The following ERC1 variants were observed in gnomAD, a reference collection of about 807,000 sequenced individuals.
ERC1 encodes ELKS/RAB6-interacting/CAST family member 1.
Under a neutral mutation model 132.0 loss-of-function variants are expected in ERC1, and 56 were observed. The observed-to-expected ratio is 0.42, with a 90% CI of 0.34 to 0.53. The LOEUF (loss-of-function observed/expected upper bound fraction) is 0.53. Among genes scored for constraint, ERC1 ranks in the 20% least tolerant of loss-of-function variants. ERC1 has a pLI of 0.03. For missense variants in ERC1, 1,202 were observed against 1,349.9 expected (o/e 0.89, Z 1.72); for synonymous variants, 478 against 476.1 (o/e 1.00, Z -0.05).
At chr12:1,275,759 TAAAGA>T (rs1289315370) in intron 14 of ERC1, among the ~76,000 whole-genome samples, 1 of 152,146 alleles carries the variant, frequency 6.6e-6, no homozygotes, top group Non-Finnish European at 1.5e-5. Flanking sequence ...GGGTAATTTA[TAAAGA>T]AAAGGAGTTT....
intron 14 of ERC1, among the ~76,000 whole-genome samples, chr12:1,275,945 C>G (rs1257054700): frequency 6.6e-6 from 1 of 152,178 alleles, no homozygotes. Flanking sequence ...GTCTGCCAGT[C>G]ACTCTGGTAC....
At chr12:1,247,938 G>T (rs1032054552) in intron 13 of ERC1, among the ~76,000 whole-genome samples, 1 of 152,190 alleles carries the variant, frequency 6.6e-6, no homozygotes, top group Non-Finnish European at 1.5e-5. Flanking sequence ...GGAGGTTGCG[G>T]TGAGCCGAGA....
chr12:1,192,061 A>G (rs1210842477), intron 12 of ERC1, among the ~76,000 whole-genome samples: 1 of 152,198 alleles, frequency 6.6e-6, no homozygotes, highest in Non-Finnish European at 1.5e-5. Context: ...GAGCTAGTAG[A>G]ATGTGGTTTG....
intron 16 of ERC1, among the ~76,000 whole-genome samples, chr12:1,394,782 G>A (rs141261653): frequency 6.6e-6 from 1 of 152,198 alleles, no homozygotes; most frequent in Non-Finnish European, 1.5e-5. Context: ...AAGCCTGAGG[G>A]ACTGAGTCAA....
At chr12:1,184,896 A>C (rs1004559645) in intron 11 of ERC1, among the ~76,000 whole-genome samples, 6 of 151,866 alleles carry the variant, frequency 4.0e-5, no homozygotes, top group African/African-American at 1.5e-4. Context: ...GGGACTACAG[A>C]CCCATGCCAC....
At chr12:1,008,528 C>T (rs376658709) in intron 1 of ERC1, among the ~76,000 whole-genome samples, 3 of 152,126 alleles carry the variant, frequency 2.0e-5, no homozygotes, top group East Asian at 3.9e-4. Flanking sequence ...CCATCCGCTT[C>T]AGCCTCCCAA....
intron 15 of ERC1, among the ~76,000 whole-genome samples, chr12:1,327,871 T>C (rs1364310769): frequency 6.6e-6 from 1 of 152,000 alleles, no homozygotes; most frequent in Non-Finnish European, 1.5e-5. Context: ...TGCTCCTCAG[T>C]ATCTTCATCA....
intron 17 of ERC1, among the ~76,000 whole-genome samples, chr12:1,430,019 C>T (rs1054757354): frequency 8.5e-5 from 13 of 152,312 alleles, no homozygotes; most frequent in African/African-American, 2.9e-4. Context: ...TGGGGTCTCT[C>T]ATGGGACCGC....
chr12:1,325,189 C>T (rs997118629), intron 15 of ERC1, among the ~76,000 whole-genome samples: 1 of 152,118 alleles, frequency 6.6e-6, no homozygotes, highest in African/African-American at 2.4e-5. Flanking sequence ...TTTAAAAATT[C>T]TATTATTCCC....
chr12:1,438,954 A>AAAAAATATATATATATATAT (rs1015181197), intron 17 of ERC1, among the ~76,000 whole-genome samples: 1 of 143,492 alleles, frequency 7.0e-6, no homozygotes, highest in African/African-American at 2.6e-5. Context: ...TTTAAAAAAA[A>AAAAAATATATATATATATAT]ATATATATAT....
Position 1,028,106 on chromosome 12 carries a change from C to T in ERC1, c.203C>T (p.Thr68Ile). 2 of 1,614,180 alleles carry T rather than the reference C, an allele frequency of 1.2e-6. No individual in the cohort carries two copies. Among genetic ancestry groups the T allele is most frequent in the Non-Finnish European group, 1.7e-6 (2 of 1,180,028 alleles). ...CAATCTTTAAATGCTGCCTATGCCACCTCTGGCCCTATGTATCTAAGTGAC... is the reference window on the plus strand; with the variant it reads ...CAATCTTTAAATGCTGCCTATGCCATCTCTGGCCCTATGTATCTAAGTGAC... ...NIQSLNAAYA[T>I]SGPMYLSDHE... Residue 68 changes from threonine to isoleucine, a missense_variant, in exon 2 of 19, where the codon ACC becomes ATC. Coordinates refer to ENST00000360905, the MANE Select transcript of ERC1 (RefSeq NM_178040.4).
intron 18 of ERC1, among the ~76,000 whole-genome samples, chr12:1,471,499 G>A (rs2093860907): frequency 6.6e-6 from 1 of 152,188 alleles, no homozygotes; most frequent in East Asian, 1.9e-4. Flanking sequence ...ATTTGTTCTG[G>A]ATTTTGTCCA....
At chr12:1,463,012 C>A (rs534470597) in intron 18 of ERC1, among the ~76,000 whole-genome samples, 2 of 152,312 alleles carry the variant, frequency 1.3e-5, no homozygotes, top group South Asian at 4.2e-4. Context: ...TCAGCCAGCC[C>A]CTCTGTGGCT....
At chr12:1,232,997 C>T (rs966154542) in intron 12 of ERC1, among the ~76,000 whole-genome samples, 24 of 151,952 alleles carry the variant, frequency 1.6e-4, no homozygotes, top group Non-Finnish European at 8.8e-5. Context: ...TGTTTATATG[C>T]CAGCAAATAG....
intron 12 of ERC1, 68 bp from the exon 13 acceptor site, chr12:1,236,701 C>T (rs1294384019): frequency 6.8e-7 from 1 of 1,468,036 alleles, no homozygotes; most frequent in Admixed American, 2.0e-5. Context: ...TGGTGTAAGT[C>T]TCTAGATAAA....
At chr12:1,482,848 C>G (rs1289436671) in intron 18 of ERC1, among the ~76,000 whole-genome samples, 1 of 152,122 alleles carries the variant, frequency 6.6e-6, no homozygotes, top group Non-Finnish European at 1.5e-5. Flanking sequence ...AGTTGTGCAG[C>G]CATCACCATA....
intron 2 of ERC1, among the ~76,000 whole-genome samples, chr12:1,049,609 C>G (rs1230408137): frequency 1.3e-5 from 2 of 152,106 alleles, no homozygotes; most frequent in Non-Finnish European, 2.9e-5. Context: ...TTGCCATCCT[C>G]AGTCTAGTGA....
intron 14 of ERC1, among the ~76,000 whole-genome samples, chr12:1,277,067 A>G (rs1195071801): frequency 6.6e-6 from 1 of 152,206 alleles, no homozygotes; most frequent in East Asian, 1.9e-4. Flanking sequence ...GCCAGAGTGG[A>G]AAAATACAAT....
At chr12:1,175,495 C>T (rs1442587236) in intron 8 of ERC1, among the ~76,000 whole-genome samples, 1 of 149,604 alleles carries the variant, frequency 6.7e-6, no homozygotes, top group Non-Finnish European at 1.5e-5. Flanking sequence ...AAAAAACACT[C>T]TTATTACTCA....
Sources: allele counts gnomAD v4.1 joint callset (sites outside exome capture counted in the v4.1 genomes callset), GRCh38; gene constraint gnomAD v4.1.1; transcripts MANE v1.5; gene names NCBI Gene and HGNC (gene_info 2026-07-23, HGNC 2026-07-21).